ADGRB1: variants seen among roughly 807,000 people sequenced by gnomAD.
ADGRB1 encodes the protein brain-specific angiogenesis inhibitor 1.
ADGRB1 carries 36 observed loss-of-function variants against 175.7 expected under a neutral mutation model. The observed-to-expected ratio is 0.20, with a 90% CI of 0.16 to 0.27. The LOEUF (loss-of-function observed/expected upper bound fraction) is 0.27. ADGRB1 is among the 10% of genes least tolerant of loss of function. ADGRB1 has a pLI of 1.00. For synonymous variants in ADGRB1, 1,054 were observed against 979.4 expected, an observed-to-expected ratio of 1.08 and a Z score of -1.42; for missense variants, 1,731 against 2,255.3, an observed-to-expected ratio of 0.77 and a Z score of 4.71.
intron 17 of ADGRB1, among the ~76,000 whole-genome samples, chr8:142,495,962 G>A (rs1165955729): frequency 6.6e-6 from 1 of 151,216 alleles, no homozygotes; most frequent in South Asian, 2.1e-4. Flanking sequence ...TGGATGGGTG[G>A]ATGGATACGT....
rs374683811 is a variant in ADGRB1 at position 142,533,382 on chromosome 8, C to A, written c.3486C>A (p.Ser1162=). Residue 1162 remains serine (S), a synonymous_variant, in exon 25 of 31, where the codon TCC becomes TCA. Coordinates refer to ENST00000517894, the MANE Select transcript of ADGRB1 (RefSeq NM_001702.3). The part of the protein sequence containing the change: ...SAVLAVTDRR[S]ALFQILFAVF... ...TGCTCGCCGTCACCGACCGCCGCTC[C>A]GCCCTCTTCCAGATCCTCTTCGCTG... is the stretch of plus-strand genomic sequence containing the variant. 8.9e-5 allele frequency: 144 copies of A among 1,611,108 alleles called. No individual in the cohort carries two copies. The African/African-American group carries it at 1.8e-3, about 20-fold the overall frequency.
rs1845015235 is a variant in ADGRB1, at chr8:142,537,640, T to C, written c.3666+558T>C. On this transcript the variant is annotated intron_variant, in intron 26 of 30. Transcript: ENST00000517894. The surrounding 1 kb of genome is among the most constrained non-coding windows in gnomAD (Gnocchi z 4.6). The stretch of plus-strand genomic sequence containing the variant: ...CTGCCTTCACCCTCTCTGGGCTCTC[T>C]GCCCTCCCCCTGCCCATCCTGGTGT... Among the ~76,000 whole-genome samples, 1 of 152,074 alleles carries C rather than the reference T, an allele frequency of 6.6e-6. No homozygotes were observed.
chr8:142,517,119 G>A (rs1172997235), intron 18 of ADGRB1, among the ~76,000 whole-genome samples: 1 of 152,176 alleles, frequency 6.6e-6, no homozygotes, highest in African/African-American at 2.4e-5. Context: ...AGCCCTGAGG[G>A]GAACCAGGGG....
chr8:142,521,008 G>T (rs1202297314), intron 20 of ADGRB1, 83 bp downstream of exon 20: 1 of 1,369,048 alleles, frequency 7.3e-7, no homozygotes, highest in Non-Finnish European at 1.0e-6. Flanking sequence ...TGGACCGTGG[G>T]ATCCCTGGGA....
chr8:142,483,618 TCCTGGTCACACACTGAGCCCTGAC>T (rs1841499834), intron 11 of ADGRB1, among the ~76,000 whole-genome samples: 9 of 111,628 alleles, frequency 8.1e-5, no homozygotes, highest in African/African-American at 3.2e-4. Flanking sequence ...TGAGCCCTGA[TCCTGGTCACACACTGAGCCCTGAC>T]CCTGGTCACA....
At chr8:142,539,456 C>T (rs1304924228) in intron 27 of ADGRB1, 43 bp downstream of exon 27, 2 of 1,590,502 alleles carry the variant, frequency 1.3e-6, no homozygotes, top group Non-Finnish European at 1.7e-6. Context: ...GCCCGGCCCC[C>T]TGCATGGCCC....
At position 142,542,651 on chromosome 8, in the gene ADGRB1, AG is replaced by A. The variant is rs766635768; in HGVS notation, c.4413+10del. 1.2e-5 allele frequency: 19 copies of A among 1,540,584 alleles called. No homozygotes were observed. The highest frequency in any genetic ancestry group is 5.9e-5 in the Admixed American group (3 of 50,630). On this transcript the variant is annotated splice_donor_5th_base_variant and intron_variant, in intron 28 of 30. Coordinates refer to ENST00000517894, the MANE Select transcript of ADGRB1 (RefSeq NM_001702.3). The surrounding 1 kb of genome is among the most constrained non-coding windows in gnomAD (Gnocchi z 6.3). Reference sequence around the variant, plus strand: ...CTTGTCTGTGAGCTCCCTGGAGGTGAGGGGGGCAGGGGTGGGCCACACCCCA... The same window carrying A: ...CTTGTCTGTGAGCTCCCTGGAGGTGAGGGGGCAGGGGTGGGCCACACCCCA...
intron 18 of ADGRB1, among the ~76,000 whole-genome samples, chr8:142,517,888 C>T (rs1262836678): frequency 1.3e-5 from 2 of 152,044 alleles, no homozygotes; most frequent in Non-Finnish European, 2.9e-5. Context: ...TCGGGCTTGG[C>T]ATATGACTGT....
Position 142,542,728 on chromosome 8 carries a change from C to T in ADGRB1, c.4413+81C>T. 2 of 1,308,404 alleles carry T rather than the reference C, an allele frequency of 1.5e-6. No homozygotes were observed. Among genetic ancestry groups the T allele is most frequent in the Non-Finnish European group, 2.1e-6 (2 of 974,298 alleles). The allele number at this position is 1,308,404 out of a possible 1,614,324, so 81.0% of individuals were successfully genotyped here. On this transcript the variant is annotated intron_variant, in intron 28 of 30. Transcript: ENST00000517894. The surrounding 1 kb of genome is among the most constrained non-coding windows in gnomAD (Gnocchi z 6.3). ...CTGGGTCACCCCTGCTGGGTGGGAC[C>T]CCCACGCCGTCAGCGGGGCGGGCTG...
In ADGRB1 at chr8:142,543,343, G is replaced by T; in HGVS notation, c.4414-60G>T. On this transcript the variant is annotated intron_variant, in intron 28 of 30. Transcript: ENST00000517894. The surrounding 1 kb of genome is among the most constrained non-coding windows in gnomAD (Gnocchi z 4.4). ...CCTGATGCCCTCAGTCTGAGGCAGG[G>T]AGAGGCGTGGACTTGTCAGGGACCC... 6.2e-7 allele frequency: 1 copy of T among 1,604,964 alleles called. No individual in the cohort carries two copies. The highest frequency in any genetic ancestry group is 1.7e-5 in the Admixed American group (1 of 59,454).
intron 1 of ADGRB1, among the ~76,000 whole-genome samples, chr8:142,459,778 A>G (rs2131645865): frequency 6.6e-6 from 1 of 152,176 alleles, no homozygotes; most frequent in South Asian, 2.1e-4. Context: ...CCCCTTCCAC[A>G]TCTCAGCAGA....
chr8:142,453,349 C>T (rs956912949), intron 1 of ADGRB1, among the ~76,000 whole-genome samples: 1 of 152,214 alleles, frequency 6.6e-6, no homozygotes, highest in African/African-American at 2.4e-5. Flanking sequence ...TCGGCTCTGG[C>T]TCTGGGCTGC....
At chr8:142,515,099 G>C (rs532142904) in intron 18 of ADGRB1, among the ~76,000 whole-genome samples, 121 of 152,242 alleles carry the variant, frequency 7.9e-4, no homozygotes, top group African/African-American at 2.5e-3. Context: ...GTGGGAGGGG[G>C]CCGGCTGGTT....
rs908544137 is a variant in ADGRB1 at position 142,510,950 on chromosome 8, C to A, written c.2694C>A (p.Pro898=). ...DETDVPSSSA[P]PQLGPWSWRG... The stretch of plus-strand genomic sequence containing the variant: ...CCCCCAGACCCTCCTCCTCCGCCCC[C>A]CCGCAGCTCGGGCCCTGGTCGTGGC... The change falls in exon 18 of 31, where the codon CCC becomes CCA. Residue 898 remains proline, a synonymous_variant. Transcript: ENST00000517894. The surrounding 1 kb of genome is among the most constrained non-coding windows in gnomAD (Gnocchi z 6.3). 2 of 1,292,470 alleles carry A rather than the reference C, an allele frequency of 1.5e-6. No homozygotes were observed. Among genetic ancestry groups the A allele is most frequent in the South Asian group, 1.5e-5 (1 of 66,974 alleles). 80.1% of individuals were successfully genotyped at this position (1,292,470 alleles called of 1,614,324 possible). A position where few individuals can be genotyped will look rare whatever the true frequency, so the allele number is the denominator to read the frequency against.
chr8:142,483,801 A>C lies in ADGRB1; in HGVS notation c.2131-176A>C, dbSNP rs111670558. Reference sequence around the variant, plus strand: ...CACTGAGCCTCGATCCTGGTTACACACTGAACCCTGGCTCTGGTCACAGTG... The same window carrying C: ...CACTGAGCCTCGATCCTGGTTACACCCTGAACCCTGGCTCTGGTCACAGTG... On this transcript the variant is annotated intron_variant, in intron 11 of 30. Coordinates refer to ENST00000517894, the MANE Select transcript of ADGRB1 (RefSeq NM_001702.3). Among the ~76,000 whole-genome samples, 511 of 144,684 alleles carry C rather than the reference A, an allele frequency of 3.5e-3. 2 individuals are homozygous for C. The highest frequency in any genetic ancestry group is 8.5e-3 in the Middle Eastern group (2 of 236). The allele number at this position is 144,684 out of a possible 152,430, so 94.9% of individuals were successfully genotyped here.
At chr8:142,541,209 G>A (rs987775297) in intron 27 of ADGRB1, among the ~76,000 whole-genome samples, 3 of 152,074 alleles carry the variant, frequency 2.0e-5, no homozygotes, top group African/African-American at 4.8e-5. Flanking sequence ...AGGGGCAGGC[G>A]GCTGGGTCAG....
chr8:142,516,194 G>A (rs1382192761), intron 18 of ADGRB1, among the ~76,000 whole-genome samples: 1 of 148,492 alleles, frequency 6.7e-6, no homozygotes, highest in Non-Finnish European at 1.5e-5. Flanking sequence ...CGTGTGTGGG[G>A]GCCCCAGGTG....
intron 17 of ADGRB1, among the ~76,000 whole-genome samples, chr8:142,494,529 C>T (rs1475396532): frequency 6.6e-6 from 1 of 152,104 alleles, no homozygotes; most frequent in African/African-American, 2.4e-5. Flanking sequence ...GTGACCCACT[C>T]AGCCTAGAAA....
rs371614253 is a variant in ADGRB1 at position 142,543,321 on chromosome 8, G to A, written c.4414-82G>A. The stretch of plus-strand genomic sequence containing the variant: ...GCAGGCATGGGGCGAGTGAGTCCCT[G>A]ATGCCCTCAGTCTGAGGCAGGGAGA... On this transcript the variant is annotated intron_variant, in intron 28 of 30. Transcript: ENST00000517894. The surrounding 1 kb of genome is among the most constrained non-coding windows in gnomAD (Gnocchi z 4.4). 3.8e-5 allele frequency: 60 copies of A among 1,568,356 alleles called. No individual in the cohort carries two copies. In the East Asian group the frequency reaches 1.3e-3, roughly 34 times the overall value.
Sources: allele counts gnomAD v4.1 joint callset (sites outside exome capture counted in the v4.1 genomes callset), GRCh38; gene constraint gnomAD v4.1.1; non-coding constraint Gnocchi (gnomAD v3.1); transcripts MANE v1.5; gene names NCBI Gene and HGNC (gene_info 2026-07-23, HGNC 2026-07-21).